Variants in PTPRM observed in about 807,000 individuals in gnomAD.
PTPRM encodes receptor-type tyrosine-protein phosphatase mu.
In PTPRM, 47 loss-of-function variants were observed where a neutral mutation model predicts 186.7. The observed-to-expected ratio is 0.25, with a 90% CI of 0.20 to 0.32. The LOEUF (loss-of-function observed/expected upper bound fraction) is 0.32, where lower values mean the gene tolerates loss of function less well. PTPRM is among the 10% of genes least tolerant of loss of function. The pLI is 1.00. For synonymous variants in PTPRM, 668 were observed against 674.9 expected, an observed-to-expected ratio of 0.99 and a Z score of 0.16; for missense variants, 1,494 against 1,865.0, an observed-to-expected ratio of 0.80 and a Z score of 3.66.
At chr18:8,264,629 C>T (rs951915657) in intron 19 of PTPRM, among the ~76,000 whole-genome samples, 5 of 151,848 alleles carry the variant, frequency 3.3e-5, no homozygotes, top group African/African-American at 9.7e-5. Flanking sequence ...ATTAGCTGGG[C>T]GTGGTGGTGC....
intron 14 of PTPRM, among the ~76,000 whole-genome samples, chr18:8,200,738 A>T (rs1041130926): frequency 5.8e-4 from 88 of 152,366 alleles, no homozygotes; most frequent in African/African-American, 2.0e-3. Context: ...AGTACAAAAA[A>T]TTGCCATATA....
chr18:7,832,954 C>A (rs1420356098), intron 2 of PTPRM, among the ~76,000 whole-genome samples: 5 of 152,064 alleles, frequency 3.3e-5, no homozygotes, highest in African/African-American at 1.2e-4. Context: ...TTTCTGGGTT[C>A]TCTATTCTGT....
intron 7 of PTPRM, among the ~76,000 whole-genome samples, chr18:8,001,761 G>A (rs1379587187): frequency 6.6e-6 from 1 of 152,194 alleles, no homozygotes; most frequent in African/African-American, 2.4e-5. Flanking sequence ...CTAGCAGCCA[G>A]TTGGCCTGGT....
At chr18:7,996,682 T>C (rs1256652217) in intron 7 of PTPRM, among the ~76,000 whole-genome samples, 4 of 152,022 alleles carry the variant, frequency 2.6e-5, no homozygotes. Context: ...GTAATCAATT[T>C]CAATAATGAT....
chr18:7,920,590 A>T (rs2050803399), intron 4 of PTPRM, among the ~76,000 whole-genome samples: 1 of 152,160 alleles, frequency 6.6e-6, no homozygotes, highest in South Asian at 2.1e-4. Context: ...TTTTTGATAG[A>T]TTTGTCTTTT....
intron 1 of PTPRM, among the ~76,000 whole-genome samples, chr18:7,769,337 G>A (rs2042166108): frequency 1.3e-5 from 2 of 152,106 alleles, no homozygotes; most frequent in South Asian, 4.1e-4. Flanking sequence ...AACTTTGTAT[G>A]CCTTGGTTTC....
At chr18:7,860,342 G>C (rs2047308062) in intron 2 of PTPRM, among the ~76,000 whole-genome samples, 1 of 152,102 alleles carries the variant, frequency 6.6e-6, no homozygotes, top group South Asian at 2.1e-4. Context: ...CAAAGAGCTG[G>C]GATTACAGGT....
At chr18:7,950,803 G>A (rs1373181) in intron 6 of PTPRM, among the ~76,000 whole-genome samples, 149,236 of 152,242 alleles carry the variant, frequency 0.98, 73,161 homozygotes, top group Middle Eastern at 1. Context: ...TTTTAAAAAT[G>A]TAAATACCTG....
intron 1 of PTPRM, among the ~76,000 whole-genome samples, chr18:7,671,945 T>G (rs1218776909): frequency 1.3e-5 from 2 of 152,216 alleles, no homozygotes; most frequent in African/African-American, 2.4e-5. Context: ...GAATCAACAT[T>G]TATTAACTTT....
chr18:7,853,877 T>C (rs2046978076), intron 2 of PTPRM, among the ~76,000 whole-genome samples: 1 of 152,180 alleles, frequency 6.6e-6, no homozygotes, highest in South Asian at 2.1e-4. Context: ...TTTTCTAAAT[T>C]GTTAGTCAGT....
In PTPRM at chr18:8,370,875, T is replaced by C. The variant is rs1203622787; in HGVS notation, c.3055-15T>C. The C allele has an allele frequency of 3.7e-5, 56 of 1,520,494 alleles. No homozygotes were observed. The highest frequency in any genetic ancestry group is 4.9e-5 in the Non-Finnish European group (54 of 1,112,566). 94.2% of individuals were successfully genotyped at this position (1,520,494 alleles called of 1,614,324 possible). On this transcript the variant is annotated splice_polypyrimidine_tract_variant and intron_variant, in intron 23 of 32. Transcript: ENST00000580170. ...CCAAACTGTAAACCCATAATTTCTT[T>C]TATGTTTTCTAAAGGTCAAATGCTG...
At chr18:8,256,448 C>T (rs1017933586) in intron 19 of PTPRM, among the ~76,000 whole-genome samples, 2 of 152,146 alleles carry the variant, frequency 1.3e-5, no homozygotes, top group Non-Finnish European at 2.9e-5. Context: ...AGAATTATAT[C>T]TGGCATATAG....
intron 32 of PTPRM, among the ~76,000 whole-genome samples, chr18:8,402,577 T>C (rs2095877849): frequency 6.6e-6 from 1 of 152,222 alleles, no homozygotes; most frequent in African/African-American, 2.4e-5. Flanking sequence ...TATAAAATCT[T>C]TTTTATGCAG....
intron 13 of PTPRM, among the ~76,000 whole-genome samples, chr18:8,115,705 A>C (rs1216514957): frequency 6.6e-6 from 1 of 152,210 alleles, no homozygotes; most frequent in Non-Finnish European, 1.5e-5. Flanking sequence ...CAGAAGATTT[A>C]ATCAGGTCAT....
intron 7 of PTPRM, among the ~76,000 whole-genome samples, chr18:8,019,426 A>G (rs761241042): frequency 1.3e-4 from 20 of 152,184 alleles, no homozygotes; most frequent in Non-Finnish European, 2.2e-4. Flanking sequence ...TCTTCTACAC[A>G]ATTGACAAAA....
intron 7 of PTPRM, among the ~76,000 whole-genome samples, chr18:8,050,566 C>G (rs1169183407): frequency 6.6e-6 from 1 of 151,828 alleles, no homozygotes; most frequent in Non-Finnish European, 1.5e-5. Context: ...CTTTCGTAGG[C>G]TTGATTCATC....
chr18:7,770,775 G>A (rs1010618550), intron 1 of PTPRM, among the ~76,000 whole-genome samples: 2 of 152,112 alleles, frequency 1.3e-5, no homozygotes, highest in Admixed American at 6.5e-5. Flanking sequence ...TTTTAATTCT[G>A]ATGTCATTTA....
At position 7,906,555 on chromosome 18, in the gene PTPRM, T is replaced by C. The variant is rs1235198052; in HGVS notation, c.519T>C (p.Asp173=). 6.2e-7 allele frequency: 1 copy of C among 1,613,554 alleles called. No individual in the cohort carries two copies. Among genetic ancestry groups the C allele is most frequent in the Non-Finnish European group, 8.5e-7 (1 of 1,179,416 alleles). The change falls in exon 4 of 33, where the codon GAT becomes GAC. Residue 173 remains aspartate (D), a synonymous_variant. Transcript: ENST00000580170. ...TSGHQGYLAI[D]EVKVLGHPCT... is the part of the protein sequence containing the mutation. The stretch of plus-strand genomic sequence containing the variant: ...GACATCAAGGCTATCTCGCTATCGA[T>C]GAGGTGAAGGTGTTAGGACATCCAT...
At chr18:8,045,212 A>G (rs1001755898) in intron 7 of PTPRM, among the ~76,000 whole-genome samples, 1 of 152,110 alleles carries the variant, frequency 6.6e-6, no homozygotes, top group Non-Finnish European at 1.5e-5. Context: ...GCTGGACGTG[A>G]TGGCATGTAC....
Sources: allele counts gnomAD v4.1 joint callset (sites outside exome capture counted in the v4.1 genomes callset), GRCh38; gene constraint gnomAD v4.1.1; transcripts MANE v1.5; gene names NCBI Gene and HGNC (gene_info 2026-07-23, HGNC 2026-07-21).